Variants in IL17REL observed in about 807,000 individuals in gnomAD.
IL17REL encodes the protein interleukin-17 receptor E-like protein.
In IL17REL, 36 loss-of-function variants were observed where a neutral mutation model predicts 49.0. That is an observed-to-expected ratio of 0.73 (90% CI 0.56 to 0.97). IL17REL has a LOEUF of 0.97. Ranked by LOEUF, IL17REL falls within the 50% of genes least tolerant of loss-of-function variation. IL17REL has a pLI of 0.00. For synonymous variants in IL17REL, 206 were observed against 192.4 expected (o/e 1.07, Z -0.58); for missense variants, 470 against 453.9 (o/e 1.04, Z -0.32).
exon 7 of IL17REL, chr22:49,999,306 A>G: frequency 6.2e-7 from 1 of 1,612,986 alleles, no homozygotes; most frequent in South Asian, 1.1e-5. Context: ...TCAAAGGGGC[A>G]GATCTGGATC....
chr22:49,993,717 C>G (rs1293136422), downstream of IL17REL, among the ~76,000 whole-genome samples: 1 of 152,160 alleles, frequency 6.6e-6, no homozygotes, highest in Non-Finnish European at 1.5e-5. This position sits in a 1 kb window ranked among gnomAD's most constrained non-coding sequence, Gnocchi z 6.0. Context: ...TTGAGGGAGC[C>G]CACACCCGTC....
chr22:49,997,675 G>A lies in IL17REL; in HGVS notation c.877+10C>T. On this transcript the variant is annotated intron_variant, in intron 10 of 12. Coordinates refer to ENST00000341280, the Ensembl canonical transcript of IL17REL. Reference sequence around the variant, plus strand: ...GCGTCCACATTGCGTAGGCCTCATGGAGAACTTACTTGGGAAGCGACGCTG... The same window carrying A: ...GCGTCCACATTGCGTAGGCCTCATGAAGAACTTACTTGGGAAGCGACGCTG... 6.2e-7 allele frequency: 1 copy of A among 1,613,012 alleles called. No homozygotes were observed.
chr22:50,002,746 C>G (rs1229540946), intron 1 of IL17REL, among the ~76,000 whole-genome samples: 1 of 152,166 alleles, frequency 6.6e-6, no homozygotes, highest in Non-Finnish European at 1.5e-5. Context: ...CCGCCCACCT[C>G]GGCCTCCCAA....
At chr22:49,999,571 T>A in intron 5 of IL17REL, 69 bp from the exon 8 acceptor site, 1 of 1,012,684 alleles carries the variant, frequency 9.9e-7, no homozygotes, top group East Asian at 4.3e-5. Context: ...GGGCGGGACC[T>A]GCACCGAACG....
chr22:50,005,536 TC>T (rs2061104772), intron 1 of IL17REL, among the ~76,000 whole-genome samples: 2 of 152,106 alleles, frequency 1.3e-5, no homozygotes, highest in South Asian at 4.1e-4. Flanking sequence ...GCGCGGTGGC[TC>T]ACGCCTGTAA....
At chr22:50,006,372 C>T (rs747917223) in intron 1 of IL17REL, among the ~76,000 whole-genome samples, 1 of 152,040 alleles carries the variant, frequency 6.6e-6, no homozygotes, top group Non-Finnish European at 1.5e-5. Context: ...CCTGGCACCA[C>T]CCAGGAGCAA....
At chr22:50,006,718 C>A (rs113858724) in intron 1 of IL17REL, among the ~76,000 whole-genome samples, 3 of 152,002 alleles carry the variant, frequency 2.0e-5, no homozygotes, top group Non-Finnish European at 2.9e-5. Flanking sequence ...CTTTGGGAGG[C>A]CGAGGCGGGC....
intron 1 of IL17REL, among the ~76,000 whole-genome samples, chr22:50,006,261 A>G (rs1296769162): frequency 6.6e-6 from 1 of 152,056 alleles, no homozygotes; most frequent in Middle Eastern, 3.2e-3. Context: ...AAAGCCCACA[A>G]CCCAGTACAG....
exon 2 of IL17REL, chr22:50,001,117 A>G (rs372353115): frequency 4.9e-5 from 79 of 1,601,248 alleles, no homozygotes; most frequent in Non-Finnish European, 6.4e-5. Flanking sequence ...ACGCAGGAGC[A>G]TCGCGCAGCC....
chr22:49,996,909 G>C (rs1040225981), intron 12 of IL17REL, 49 bp from the exon 15 acceptor site: 5 of 671,228 alleles, frequency 7.4e-6, no homozygotes, highest in East Asian at 2.9e-5. Context: ...CTTCCCCCGG[G>C]GATGGGGGAT....
chr22:49,999,842 C>A, exon 5 of IL17REL: 1 of 1,519,220 alleles, frequency 6.6e-7, no homozygotes, highest in Non-Finnish European at 8.8e-7. Flanking sequence ...ACAGGGGCGC[C>A]GGCGTCCTCG....
At chr22:50,012,062 C>T (rs137869), upstream of IL17REL, among the ~76,000 whole-genome samples, 76,712 of 152,060 alleles carry the variant, frequency 0.5, 19,701 homozygotes, top group South Asian at 0.74. Context: ...GCTGATGAAG[C>T]GCCCTCTCCT....
chr22:49,996,372 A>C (rs1427842931), exon 13 of IL17REL: 1 of 152,400 alleles, frequency 6.6e-6, no homozygotes, highest in Non-Finnish European at 1.5e-5. Context: ...CACGCTCCTG[A>C]CCACACCCAG....
chr22:49,997,042 G>T, exon 12 of IL17REL: 1 of 1,562,606 alleles, frequency 6.4e-7, no homozygotes, highest in Non-Finnish European at 8.6e-7. Flanking sequence ...GAAGGTCTAG[G>T]AAGGCAAAAG....
intron 1 of IL17REL, among the ~76,000 whole-genome samples, chr22:50,006,001 C>G (rs922357379): frequency 2.4e-4 from 37 of 151,800 alleles, no homozygotes; most frequent in Non-Finnish European, 5.0e-4. Flanking sequence ...CGAAAATAAT[C>G]AGGATGGGGG....
chr22:50,007,987 C>T (rs1001944258), intron 1 of IL17REL, among the ~76,000 whole-genome samples: 3 of 152,024 alleles, frequency 2.0e-5, no homozygotes, highest in Non-Finnish European at 2.9e-5. Flanking sequence ...GTTCACAATC[C>T]CAGCACTTTG....
chr22:49,997,560 G>A (rs969864537), intron 10 of IL17REL, 77 bp from the exon 13 acceptor site: 21 of 1,336,928 alleles, frequency 1.6e-5, no homozygotes, highest in Non-Finnish European at 2.0e-5. Context: ...TGGGCCTGGC[G>A]CCTGCCCACT....
At chr22:50,010,039 C>T (rs535617449), upstream of IL17REL, among the ~76,000 whole-genome samples, 13 of 119,514 alleles carry the variant, frequency 1.1e-4, no homozygotes, top group African/African-American at 4.3e-4. Flanking sequence ...TTCCAGGGTC[C>T]AGCGCAGGAC....
rs201483567 is a variant in IL17REL at position 49,998,124 on chromosome 22, A to C, written c.774+13T>G. The C allele has an allele frequency of 3.9e-3, 6,262 of 1,600,282 alleles. 23 individuals are homozygous for C. Among genetic ancestry groups the C allele is most frequent in the Non-Finnish European group, 4.7e-3 (5,512 of 1,173,484 alleles). On this transcript the variant is annotated intron_variant, in intron 8 of 12. Transcript: ENST00000341280. ...TCCATGCCCACCCCCATCCCTGCTG[A>C]GCAGGCACTCACTCTGCGATGCACC... is the stretch of plus-strand genomic sequence containing the variant.
Sources: gnomAD v4.1 joint callset for allele counts (sites outside exome capture counted in the v4.1 genomes callset) on GRCh38, gnomAD v4.1.1 for gene constraint, Gnocchi (gnomAD v3.1) non-coding constraint, MANE v1.5 for transcripts, NCBI Gene and HGNC (gene_info 2026-07-23, HGNC 2026-07-21) for gene names.